SH2B2: variants seen among roughly 807,000 people sequenced by gnomAD.
The protein encoded by SH2B2 is SH2B adaptor protein 2, also known as SH2B adapter protein 2.
SH2B2 carries 37 observed loss-of-function variants against 35.7 expected under a neutral mutation model. That is an observed-to-expected ratio of 1.04 (90% confidence interval 0.80 to 1.36). SH2B2 has a LOEUF of 1.36. SH2B2 is among the 40% of genes most tolerant of loss of function. SH2B2 has a pLI of 0.00. For missense variants in SH2B2, 852 were observed against 817.7 expected, an observed-to-expected ratio of 1.04 and a Z score of -0.51; for synonymous variants, 383 against 376.4, an observed-to-expected ratio of 1.02 and a Z score of -0.20.
At chr7:102,320,569 G>A in intron 8 of SH2B2, 67 bp downstream of exon 8, 2 of 1,529,838 alleles carry the variant, frequency 1.3e-6, no homozygotes, top group East Asian at 2.4e-5. Context: ...TCAAGAAGGT[G>A]GTCCCTGGGG....
intron 1 of SH2B2, among the ~76,000 whole-genome samples, chr7:102,290,731 G>T (rs1044208918): frequency 3.9e-5 from 6 of 152,234 alleles, no homozygotes; most frequent in Non-Finnish European, 8.8e-5. Context: ...TTACAGGGAA[G>T]ATGTGAGGGG....
intron 4 of SH2B2, among the ~76,000 whole-genome samples, chr7:102,311,601 A>G (rs1554556076): frequency 1.6e-5 from 2 of 125,240 alleles, no homozygotes; most frequent in Admixed American, 9.9e-5. Flanking sequence ...GGATCGTGCT[A>G]TGTTGTCCAG....
intron 1 of SH2B2, among the ~76,000 whole-genome samples, chr7:102,292,660 AGTG>A (rs1563546975): frequency 1.3e-5 from 2 of 152,020 alleles, no homozygotes; most frequent in African/African-American, 4.8e-5. Context: ...TTCAAAGTGC[AGTG>A]CACTGCACCC....
rs782744601 is a variant in SH2B2 at position 102,294,377 on chromosome 7, C to T, written c.-29-6145C>T. ...AAAGGGAGGGGAGATGTTGAATAGT[C>T]GGAAGAGCAAAGTCCCTAGAGAGGG... is the stretch of plus-strand genomic sequence containing the variant. On this transcript the variant is annotated intron_variant, in intron 1 of 8. Transcript: ENST00000444095. 4.5e-4 allele frequency among the ~76,000 whole-genome samples: 69 copies of T among 152,212 alleles called. No homozygotes were observed. In the Middle Eastern group the frequency reaches 0.024, roughly 53 times the overall value.
rs4493840 is a variant in SH2B2, at chr7:102,317,366, C to A, written c.1366C>A (p.Leu456Met). The stretch of plus-strand genomic sequence containing the variant: ...TGAGACTCGGCCTGGGGAGTACGTG[C>A]TGACCTTCAACTTCCAGGGCAAGGC... ...QSETRPGEYV[L>M]TFNFQGKAKH... is the part of the protein sequence containing the mutation. The change falls in exon 7 of 9, where the codon CTG (leucine) becomes ATG (methionine). Residue 456 changes from leucine to methionine, a missense_variant. Coordinates refer to ENST00000444095, the MANE Select transcript of SH2B2 (RefSeq NM_001359228.2). 6.3e-7 allele frequency: 1 copy of A among 1,593,114 alleles called. No homozygotes were observed. The highest frequency in any genetic ancestry group is 8.6e-7 in the Non-Finnish European group (1 of 1,164,264).
chr7:102,321,536 T>C lies in SH2B2; in HGVS notation c.1805T>C (p.Leu602Pro). The C allele has an allele frequency of 8.7e-7, 1 of 1,144,074 alleles. No individual in the cohort carries two copies. Among genetic ancestry groups the C allele is most frequent in the Non-Finnish European group, 1.1e-6 (1 of 932,672 alleles). The allele number at this position is 1,144,074 out of a possible 1,614,324, so 70.9% of individuals were successfully genotyped here. The change falls in exon 9 of 9, where the codon CTG (leucine) becomes CCG (proline). Residue 602 changes from leucine to proline, a missense_variant. By Grantham distance (98) the Leu-to-Pro change is moderately conservative. Around this residue, in one of 3 missense-constraint regions of SH2B2, gnomAD observed 556 missense variants for 514.5 expected, o/e 1.08. Transcript: ENST00000444095. Reference protein sequence around the residue: ...ARSRSNSAERLLEAVAATAAE... With the variant: ...ARSRSNSAERPLEAVAATAAE... ...AGCCGCAGCAACAGCGCCGAGCGCC[T>C]GCTGGAGGCCGTGGCCGCCACCGCC...
intron 4 of SH2B2, among the ~76,000 whole-genome samples, chr7:102,311,583 C>T (rs554299774): frequency 5.5e-5 from 6 of 109,296 alleles, no homozygotes; most frequent in East Asian, 2.8e-4. Flanking sequence ...TTTTTAGAGA[C>T]GGGATCGGGA....
chr7:102,285,819 C>A (rs782810006), upstream of SH2B2, among the ~76,000 whole-genome samples: 5 of 152,146 alleles, frequency 3.3e-5, no homozygotes, highest in Non-Finnish European at 7.4e-5. Flanking sequence ...GGGGAGAAGA[C>A]ACCCAGGGGT....
intron 2 of SH2B2, among the ~76,000 whole-genome samples, chr7:102,304,815 C>G (rs1156279189): frequency 6.6e-6 from 1 of 152,248 alleles, no homozygotes; most frequent in Non-Finnish European, 1.5e-5. Context: ...GTTAGCCAGG[C>G]CCCGTTCATG....
chr7:102,295,948 GC>G (rs530402165), intron 1 of SH2B2, among the ~76,000 whole-genome samples: 107 of 152,028 alleles, frequency 7.0e-4, no homozygotes, highest in Non-Finnish European at 1.3e-3. Context: ...CATTGTTCAG[GC>G]CCCCAGCACC....
chr7:102,293,423 C>G (rs1348275659), intron 1 of SH2B2, among the ~76,000 whole-genome samples: 1 of 151,406 alleles, frequency 6.6e-6, no homozygotes, highest in Non-Finnish European at 1.5e-5. Flanking sequence ...CGCTCCATCC[C>G]CCAGCACCAA....
At chr7:102,295,696 G>A (rs1554552423) in intron 1 of SH2B2, among the ~76,000 whole-genome samples, 1 of 152,196 alleles carries the variant, frequency 6.6e-6, no homozygotes, top group Non-Finnish European at 1.5e-5. Flanking sequence ...CACTTGTGCT[G>A]GCCTGGATCA....
At chr7:102,303,217 C>CAA (rs549676263) in intron 2 of SH2B2, among the ~76,000 whole-genome samples, 2 of 133,468 alleles carry the variant, frequency 1.5e-5, no homozygotes, top group African/African-American at 2.7e-5. Flanking sequence ...AACTCTGTCT[C>CAA]AAAAAAAAAA....
At position 102,314,960 on chromosome 7, in the gene SH2B2, G is replaced by A. The variant is rs962514810; in HGVS notation, c.1186+278G>A. ...TCCCAACACTTTGGGAAGCCAAGGC[G>A]GGCGGATCACCTGAGGTCAGGAGTT... is the stretch of plus-strand genomic sequence containing the variant. On this transcript the variant is annotated intron_variant, in intron 6 of 8. Transcript: ENST00000444095. Among the ~76,000 whole-genome samples, 953 of 152,096 alleles carry A rather than the reference G, an allele frequency of 6.3e-3. 8 individuals carry two copies. The highest frequency in any genetic ancestry group is 0.021 in the African/African-American group (890 of 41,488).
chr7:102,305,979 C>T (rs960618372), intron 2 of SH2B2, among the ~76,000 whole-genome samples: 3 of 148,196 alleles, frequency 2.0e-5, no homozygotes, highest in African/African-American at 5.2e-5. Flanking sequence ...ACTGCAGCCT[C>T]GACCACCTCC....
At chr7:102,290,612 G>A (rs930847455) in intron 1 of SH2B2, among the ~76,000 whole-genome samples, 1 of 152,182 alleles carries the variant, frequency 6.6e-6, no homozygotes, top group Non-Finnish European at 1.5e-5. Flanking sequence ...CCTGGCGTCT[G>A]ACACACAGTG....
chr7:102,310,786 C>T (rs929416076), intron 4 of SH2B2, among the ~76,000 whole-genome samples: 1 of 152,234 alleles, frequency 6.6e-6, no homozygotes, highest in South Asian at 2.1e-4. Context: ...TTTCCCCAGC[C>T]GCTGTGAAGG....
At chr7:102,293,900 G>C (rs569939182) in intron 1 of SH2B2, among the ~76,000 whole-genome samples, 3 of 152,260 alleles carry the variant, frequency 2.0e-5, no homozygotes, top group Admixed American at 2.0e-4. Context: ...CACCAACTCA[G>C]CTGGTCTGTT....
At chr7:102,290,031 TC>T (rs1173287701) in intron 1 of SH2B2, among the ~76,000 whole-genome samples, 3 of 151,880 alleles carry the variant, frequency 2.0e-5, no homozygotes, top group Non-Finnish European at 4.4e-5. Flanking sequence ...TGGCCCCCAC[TC>T]CCTGCTTATC....
Sources: gnomAD v4.1 joint callset for allele counts (sites outside exome capture counted in the v4.1 genomes callset) on GRCh38, gnomAD v4.1.1 for gene constraint, gnomAD v4.1.1 regional missense constraint, MANE v1.5 for transcripts, NCBI Gene and HGNC (gene_info 2026-07-23, HGNC 2026-07-21) for gene names.